SPATA3: variants seen among roughly 807,000 people sequenced by gnomAD.
The protein encoded by SPATA3 is spermatogenesis associated 3, also known as spermatogenesis-associated protein 3.
A neutral mutation model predicts 5.7 loss-of-function variants in SPATA3; 6 were observed. The ratio of observed to expected loss-of-function variants is 1.06; its 90% CI spans 0.58 to 2.09. SPATA3 has a LOEUF of 2.09. SPATA3 is among the 30% of genes most tolerant of loss of function. SPATA3 has a pLI of 0.00. For synonymous variants in SPATA3, 44 were observed against 48.4 expected (o/e 0.91, Z 0.37); for missense variants, 155 against 130.4 (o/e 1.19, Z -0.92).
intron 2 of SPATA3, 102 bp downstream of exon 2, chr2:231,000,639 TC>T: frequency 1.7e-6 from 2 of 1,181,418 alleles, no homozygotes; most frequent in Non-Finnish European, 2.2e-6. Flanking sequence ...CTCTTGGGAA[TC>T]CCAGGCCGAA....
downstream of SPATA3, among the ~76,000 whole-genome samples, chr2:231,004,819 A>T (rs1692478348): frequency 6.6e-6 from 1 of 152,034 alleles, no homozygotes; most frequent in South Asian, 2.1e-4. Flanking sequence ...CATAGCACAG[A>T]TCTCATTGGA....
At chr2:231,015,037 A>G (rs1468713193) in intron 6 of SPATA3, among the ~76,000 whole-genome samples, 2 of 151,354 alleles carry the variant, frequency 1.3e-5, no homozygotes, top group African/African-American at 4.9e-5. Context: ...GGGAGTCCCA[A>G]CTGAGGAGAG....
At chr2:231,012,264 G>C (rs1692808016), downstream of SPATA3, among the ~76,000 whole-genome samples, 1 of 152,212 alleles carries the variant, frequency 6.6e-6, no homozygotes, top group Non-Finnish European at 1.5e-5. Flanking sequence ...GTCTGCGGGT[G>C]TCTGATCTCA....
downstream of SPATA3, among the ~76,000 whole-genome samples, chr2:231,005,480 A>AT (rs1692574693): frequency 7.4e-6 from 1 of 135,192 alleles, no homozygotes; most frequent in Non-Finnish European, 1.6e-5. Flanking sequence ...CATCATCACC[A>AT]CCACCACCAT....
downstream of SPATA3, among the ~76,000 whole-genome samples, chr2:231,006,490 C>T (rs184095807): frequency 4.6e-3 from 673 of 147,414 alleles, 7 homozygotes; most frequent in African/African-American, 0.016. Context: ...GCAACAACAG[C>T]GAAACTCTGT....
intron 6 of SPATA3, among the ~76,000 whole-genome samples, chr2:231,015,081 A>G (rs976022292): frequency 3.3e-5 from 5 of 149,502 alleles, no homozygotes; most frequent in Non-Finnish European, 5.9e-5. Context: ...GGGAGTCCCA[A>G]CTGAGGAGAG....
chr2:231,011,121 T>A (rs1692777086), downstream of SPATA3, among the ~76,000 whole-genome samples: 1 of 147,176 alleles, frequency 6.8e-6, no homozygotes, highest in African/African-American at 2.5e-5. Context: ...AATCAATTGG[T>A]TATTATGTTA....
At chr2:230,998,537 A>G (rs545581254) in intron 1 of SPATA3, among the ~76,000 whole-genome samples, 1 of 152,382 alleles carries the variant, frequency 6.6e-6, no homozygotes, top group Admixed American at 6.5e-5. Context: ...CAGTGGTTAC[A>G]GCAGACACCC....
intron 5 of SPATA3, among the ~76,000 whole-genome samples, chr2:231,013,357 TA>T (rs1194991922): frequency 6.6e-6 from 1 of 152,264 alleles, no homozygotes; most frequent in African/African-American, 2.4e-5. Flanking sequence ...ATTTTAAACC[TA>T]AATCATATTT....
At chr2:231,018,183 C>T (rs1692979776) in intron 6 of SPATA3, among the ~76,000 whole-genome samples, 1 of 152,156 alleles carries the variant, frequency 6.6e-6, no homozygotes, top group Non-Finnish European at 1.5e-5. Flanking sequence ...CCTCAGCCTC[C>T]CAAAGTGCTG....
downstream of SPATA3, among the ~76,000 whole-genome samples, chr2:231,010,616 C>A (rs772187956): frequency 3.9e-5 from 6 of 152,102 alleles, no homozygotes; most frequent in African/African-American, 7.2e-5. Context: ...TATGGCTAGC[C>A]TTGGGGGAGA....
At chr2:231,018,989 TG>T (rs1693004659) in intron 6 of SPATA3, among the ~76,000 whole-genome samples, 1 of 114,744 alleles carries the variant, frequency 8.7e-6, no homozygotes, top group South Asian at 2.6e-4. Context: ...TTTTTTGAGA[TG>T]GAGTCTCACT....
chr2:231,008,476 C>T (rs1200579419), downstream of SPATA3, among the ~76,000 whole-genome samples: 1 of 152,192 alleles, frequency 6.6e-6, no homozygotes, highest in African/African-American at 2.4e-5. Flanking sequence ...ACTGGGAAGG[C>T]AGGGAGCTGG....
chr2:230,997,202 AG>A (rs1339994642), intron 1 of SPATA3, among the ~76,000 whole-genome samples: 2 of 152,072 alleles, frequency 1.3e-5, no homozygotes, highest in Non-Finnish European at 2.9e-5. Context: ...ATCACGGGGG[AG>A]GGTCTTTTCC....
chr2:231,005,302 C>G (rs1692543684), downstream of SPATA3, among the ~76,000 whole-genome samples: 2 of 132,890 alleles, frequency 1.5e-5, no homozygotes, highest in Admixed American at 7.5e-5. Context: ...CCATCACCAC[C>G]ACCATCACCA....
chr2:231,019,190 C>T (rs1187379736), intron 6 of SPATA3, among the ~76,000 whole-genome samples: 9 of 151,166 alleles, frequency 6.0e-5, no homozygotes, highest in East Asian at 2.0e-4. Context: ...AGGATGGTCT[C>T]GATCTCCCGA....
At chr2:231,012,856 T>G (rs578227290) in intron 5 of SPATA3, among the ~76,000 whole-genome samples, 11 of 152,332 alleles carry the variant, frequency 7.2e-5, no homozygotes, top group Non-Finnish European at 1.5e-4. Context: ...CTGATGAAAT[T>G]AACAATGAAT....
rs749712082 is a variant in SPATA3, at chr2:231,016,506, CAAA to C, written c.*565+2310_*565+2312del. On this transcript the variant is annotated intron_variant, in intron 6 of 8. Transcript: ENST00000452881. ...TCAACATGGTGAAACCCTGTCTCTA[CAAA>C]AAAAAAAAAAAAAAAGAAGAAGAAG... Among the ~76,000 whole-genome samples the C allele has an allele frequency of 9.7e-3, 683 of 70,062 alleles. 9 individuals carry two copies. Among genetic ancestry groups the C allele is most frequent in the African/African-American group, 0.034 (636 of 18,972 alleles). 46.0% of individuals were successfully genotyped at this position (70,062 alleles called of 152,430 possible). A position where few individuals can be genotyped will look rare whatever the true frequency, so the allele number is the denominator to read the frequency against.
chr2:231,005,348 A>C, downstream of SPATA3, among the ~76,000 whole-genome samples: 1 of 140,238 alleles, frequency 7.1e-6, no homozygotes, highest in Non-Finnish European at 1.6e-5. Flanking sequence ...CACCATCATC[A>C]CCATCACCAC....
Sources: gnomAD v4.1 joint callset for allele counts (sites outside exome capture counted in the v4.1 genomes callset) on GRCh38, gnomAD v4.1.1 for gene constraint, MANE v1.5 for transcripts, NCBI Gene and HGNC (gene_info 2026-07-23, HGNC 2026-07-21) for gene names.